LRP2: variants seen among roughly 807,000 people sequenced by gnomAD.
LRP2 encodes the protein LDL receptor related protein 2.
LRP2 carries 172 observed loss-of-function variants against 531.0 expected under a neutral mutation model. That is an observed-to-expected ratio of 0.32 (90% confidence interval 0.29 to 0.37). The LOEUF (loss-of-function observed/expected upper bound fraction) is 0.37. LRP2 is among the 10% of genes least tolerant of loss of function. The pLI is 1.00. For synonymous variants in LRP2, 1,992 were observed against 2,027.6 expected (o/e 0.98, Z 0.47); for missense variants, 5,167 against 5,868.3 (o/e 0.88, Z 3.90).
intron 42 of LRP2, among the ~76,000 whole-genome samples, chr2:169,203,563 T>C (rs1352456677): frequency 1.3e-5 from 2 of 152,102 alleles, no homozygotes; most frequent in African/African-American, 4.8e-5. Flanking sequence ...AGTTTGAAAC[T>C]AGCCTGGCCA....
intron 76 of LRP2, 143 bp from the exon 77 acceptor site, chr2:169,132,824 C>A: frequency 3.0e-6 from 2 of 677,870 alleles, no homozygotes; most frequent in South Asian, 1.5e-5. Flanking sequence ...TATTGCATGA[C>A]CCAGTAGGCC....
At position 169,206,978 on chromosome 2, in the gene LRP2, C is replaced by T. The variant is rs139303296; in HGVS notation, c.6742G>A (p.Val2248Ile). 3.2e-5 allele frequency: 51 copies of T among 1,614,178 alleles called. No individual in the cohort carries two copies. Among genetic ancestry groups the T allele is most frequent in the African/African-American group, 3.1e-4 (23 of 75,038 alleles). ...TCTAAAGAATCATCAACCCAATAAA[C>T]GTAGCCATCACTTCGGTCCACTGCC... ...GLAVDRSDGY[V>I]YWVDDSLDII... Residue 2248 changes from valine (V) to isoleucine (I), a missense_variant, in exon 39 of 79, where the codon GTT becomes ATT. Around this residue, in one of 6 missense-constraint regions of LRP2, gnomAD observed 2,811 missense variants for 3,058.0 expected, o/e 0.92. Coordinates refer to ENST00000649046, the MANE Select transcript of LRP2 (RefSeq NM_004525.3).
In LRP2 at chr2:169,243,299, C is replaced by G. The variant is rs112053993; in HGVS notation, c.3550+104G>C. 1.4e-3 allele frequency: 1,996 copies of G among 1,392,702 alleles called. 20 individuals carry two copies. The African/African-American group carries it at 0.02, about 14-fold the overall frequency. 86.3% of individuals were successfully genotyped at this position (1,392,702 alleles called of 1,614,324 possible). A position where few individuals can be genotyped will look rare whatever the true frequency, so the allele number is the denominator to read the frequency against. On this transcript the variant is annotated intron_variant, in intron 23 of 78. Transcript: ENST00000649046. The stretch of plus-strand genomic sequence containing the variant: ...CATCCCTTCTCTAGCTCCCCACCCC[C>G]CAACAGGCCCCGGTGTGTGATGTTC...
Position 169,213,736 on chromosome 2 carries a change from A to G in LRP2, c.5961T>C (p.Asp1987=), listed in dbSNP as rs562898896. 5.3e-5 allele frequency: 86 copies of G among 1,613,882 alleles called. No individual in the cohort carries two copies. Among genetic ancestry groups the G allele is most frequent in the Non-Finnish European group, 7.1e-5 (84 of 1,179,810 alleles). Residue 1987 remains aspartate (D), a synonymous_variant, in exon 36 of 79, where the codon GAT becomes GAC. Transcript: ENST00000649046. ...CTATTTTGTTGGCCCCAGTGGCCTT[A>G]TCAACTCTTTCAATGACCTCATACT... ...DEQYEVIERV[D]KATGANKIVL...
intron 18 of LRP2, 52 bp from the exon 19 acceptor site, chr2:169,256,288 C>A: frequency 2.6e-6 from 4 of 1,537,244 alleles, no homozygotes; most frequent in Admixed American, 1.7e-5. Flanking sequence ...ATCAGAGCAC[C>A]CTTTACACAA....
At chr2:169,293,651 G>T (rs1383840736) in intron 6 of LRP2, among the ~76,000 whole-genome samples, 1 of 150,312 alleles carries the variant, frequency 6.7e-6, no homozygotes, top group Non-Finnish European at 1.5e-5. Flanking sequence ...CTCCAGCCCA[G>T]GCAACAAAGC....
At chr2:169,313,691 G>A (rs1031657370) in intron 3 of LRP2, among the ~76,000 whole-genome samples, 6 of 152,122 alleles carry the variant, frequency 3.9e-5, no homozygotes, top group Non-Finnish European at 8.8e-5. Context: ...TCCATTCTCA[G>A]ATCTCAAACT....
At chr2:169,186,961 CAT>C (rs1282737626) in intron 49 of LRP2, among the ~76,000 whole-genome samples, 4 of 152,102 alleles carry the variant, frequency 2.6e-5, no homozygotes, top group African/African-American at 7.2e-5. Flanking sequence ...TAATATAGCA[CAT>C]GTTTTTCTTA....
chr2:169,215,181 T>C (rs1235534081), intron 35 of LRP2, among the ~76,000 whole-genome samples: 1 of 152,168 alleles, frequency 6.6e-6, no homozygotes, highest in Non-Finnish European at 1.5e-5. Flanking sequence ...TAGGTCCATA[T>C]TCGGAGTGAA....
intron 62 of LRP2, among the ~76,000 whole-genome samples, chr2:169,164,257 A>G (rs1466289932): frequency 2.0e-5 from 3 of 152,220 alleles, no homozygotes; most frequent in African/African-American, 4.8e-5. Flanking sequence ...ATTGTTTATT[A>G]GTTTATGGGT....
At chr2:169,270,679 C>A (rs901542014) in intron 16 of LRP2, among the ~76,000 whole-genome samples, 1 of 151,418 alleles carries the variant, frequency 6.6e-6, no homozygotes, top group South Asian at 2.1e-4. Context: ...GGGTGCAGCA[C>A]ACCAACATGG....
At chr2:169,186,826 T>C (rs1407473803) in intron 49 of LRP2, among the ~76,000 whole-genome samples, 1 of 152,214 alleles carries the variant, frequency 6.6e-6, no homozygotes, top group Non-Finnish European at 1.5e-5. Context: ...TTAATTTGAA[T>C]TATGTACTAT....
chr2:169,259,344 TTAAAA>T, intron 16 of LRP2, 127 bp from the exon 17 acceptor site: 3 of 444,618 alleles, frequency 6.7e-6, no homozygotes, highest in Non-Finnish European at 1.1e-5. Context: ...GTGGAATTCT[TTAAAA>T]AAAAAAAAAA....
Position 169,154,581 on chromosome 2 carries a change from C to T in LRP2, c.12174G>A (p.Leu4058=). Residue 4058 remains leucine (L), a synonymous_variant, in exon 66 of 79, where the codon CTG becomes CTA. Coordinates refer to ENST00000649046, the MANE Select transcript of LRP2 (RefSeq NM_004525.3). The part of the protein sequence containing the change: ...AAEGSSPLLL[L]PDNVRIRKYN... Reference sequence around the variant, plus strand: ...ATTTTCGAATTCGGACATTGTCAGGCAGTAGCAACAAAGGAGAGCTACCTG... The same window carrying T: ...ATTTTCGAATTCGGACATTGTCAGGTAGTAGCAACAAAGGAGAGCTACCTG... 2 of 1,613,544 alleles carry T rather than the reference C, an allele frequency of 1.2e-6. No homozygotes were observed. Among genetic ancestry groups the T allele is most frequent in the Non-Finnish European group, 1.7e-6 (2 of 1,179,604 alleles).
Position 169,212,149 on chromosome 2 carries a change from G to A in LRP2, c.6099C>T (p.Cys2033=). 1.9e-6 allele frequency: 3 copies of A among 1,614,014 alleles called. No individual in the cohort carries two copies. The highest frequency in any genetic ancestry group is 2.5e-6 in the Non-Finnish European group (3 of 1,179,928). The change falls in exon 37 of 79, where the codon TGC becomes TGT. Residue 2033 remains cysteine, a synonymous_variant. Transcript: ENST00000649046. ...SNNMNACQQI[C]LPVPGGLFSC... is the part of the protein sequence containing the mutation. ...AAAACAATCCTCCTGGTACAGGCAG[G>A]CAAATCTGCTGACAGGCATTCATGT...
Position 169,174,022 on chromosome 2 carries a change from C to T in LRP2, c.10911G>A (p.Pro3637=), listed in dbSNP as rs139399622. 3.6e-5 allele frequency: 58 copies of T among 1,614,204 alleles called. No homozygotes were observed. The African/African-American group carries it at 4.7e-4, about 13-fold the overall frequency. The change falls in exon 56 of 79, where the codon CCG becomes CCA. Residue 3637 remains proline (P), a synonymous_variant. Coordinates refer to ENST00000649046, the MANE Select transcript of LRP2 (RefSeq NM_004525.3). The stretch of plus-strand genomic sequence containing the variant: ...GGCCATTAGCACACCGAAACTGGCC[C>T]GGCCGGCAGGTCCTGCTGGCACAGT... ...SSHCASRTCR[P]GQFRCANGRC...
intron 16 of LRP2, among the ~76,000 whole-genome samples, chr2:169,264,744 A>G (rs1165390057): frequency 4.6e-5 from 7 of 151,994 alleles, no homozygotes; most frequent in Admixed American, 2.6e-4. Context: ...CCAGGTCCTA[A>G]CAAAGGCAGG....
At position 169,177,887 on chromosome 2, in the gene LRP2, C is replaced by T; in HGVS notation, c.10309G>A (p.Asp3437Asn). The T allele has an allele frequency of 1.9e-6, 3 of 1,614,214 alleles. No homozygotes were observed. Among genetic ancestry groups the T allele is most frequent in the Non-Finnish European group, 8.5e-7 (1 of 1,180,028 alleles). The part of the protein sequence containing the change: ...TRTVEKGNKY[D>N]GSNRQTLVNT... ...ACCAGTGTCTGTCTATTTGATCCAT[C>T]ATATTTGTTTCCCTTTTCCACTGTC... The change falls in exon 53 of 79, where the codon GAT (aspartate) becomes AAT (asparagine). Residue 3437 changes from aspartate (D) to asparagine (N), a missense_variant. Physicochemically the swap from Asp to Asn is conservative, Grantham distance 23. Around this residue, in one of 6 missense-constraint regions of LRP2, gnomAD observed 1,129 missense variants for 1,362.7 expected, o/e 0.83. Coordinates refer to ENST00000649046, the MANE Select transcript of LRP2 (RefSeq NM_004525.3).
At chr2:169,215,584 A>T (rs955158817) in intron 35 of LRP2, among the ~76,000 whole-genome samples, 14 of 151,644 alleles carry the variant, frequency 9.2e-5, no homozygotes, top group African/African-American at 3.4e-4. Flanking sequence ...CTTGCTACGT[A>T]AATAAATAGA....
Sources: allele counts gnomAD v4.1 joint callset (sites outside exome capture counted in the v4.1 genomes callset), GRCh38; gene constraint gnomAD v4.1.1; regional missense constraint gnomAD v4.1.1; transcripts MANE v1.5; gene names NCBI Gene and HGNC (gene_info 2026-07-23, HGNC 2026-07-21).